Variants in LIPI observed in about 807,000 individuals in gnomAD.
The protein encoded by LIPI is lipase member I.
In LIPI, 59 loss-of-function variants were observed where a neutral mutation model predicts 50.6. That is an observed-to-expected ratio of 1.16 (90% confidence interval 0.94 to 1.45). LIPI has a LOEUF of 1.45. Among genes scored for constraint, LIPI ranks in the 40% most tolerant of loss-of-function variants. LIPI has a pLI of 0.00. For synonymous variants in LIPI, 203 were observed against 178.2 expected (o/e 1.14, Z -1.11); for missense variants, 586 against 536.3 (o/e 1.09, Z -0.92).
Position 14,210,916 on chromosome 21 carries a change from C to T in LIPI, c.-71G>A. The T allele has an allele frequency of 3.5e-6, 4 of 1,148,500 alleles. No individual in the cohort carries two copies. The highest frequency in any genetic ancestry group is 4.3e-6 in the Non-Finnish European group (4 of 924,358). 71.1% of individuals were successfully genotyped at this position (1,148,500 alleles called of 1,614,324 possible). On this transcript the variant is annotated 5_prime_UTR_variant, in exon 1 of 10. Transcript: ENST00000681601. ...GAAATTCCGTAACTCATTGAGGTTT[C>T]TCTTTGGTAGGATCATCACAGGCTG...
intron 2 of LIPI, among the ~76,000 whole-genome samples, chr21:14,188,685 A>G (rs1199181259): frequency 3.3e-5 from 5 of 152,114 alleles, no homozygotes; most frequent in African/African-American, 1.2e-4. Flanking sequence ...ATAATTATAA[A>G]GTTTATTTCC....
chr21:14,151,278 C>T (rs983218778), intron 8 of LIPI, among the ~76,000 whole-genome samples: 1 of 152,110 alleles, frequency 6.6e-6, no homozygotes, highest in Admixed American at 6.6e-5. Flanking sequence ...CTTTCACTGC[C>T]ATTGTTTGTG....
chr21:14,192,635 C>T (rs1310500887), intron 1 of LIPI, among the ~76,000 whole-genome samples: 1 of 152,032 alleles, frequency 6.6e-6, no homozygotes, highest in African/African-American at 2.4e-5. Flanking sequence ...TTACAGAAAT[C>T]CCTGATGAGA....
chr21:14,205,741 A>G (rs370336338), intron 1 of LIPI, among the ~76,000 whole-genome samples: 36 of 152,218 alleles, frequency 2.4e-4, no homozygotes, highest in South Asian at 1.9e-3. Context: ...AATAGATTTA[A>G]TAGACTTCAG....
At chr21:14,121,539 G>A (rs2016862050) in intron 9 of LIPI, among the ~76,000 whole-genome samples, 2 of 152,200 alleles carry the variant, frequency 1.3e-5, no homozygotes, top group Admixed American at 6.5e-5. Flanking sequence ...GGTAATACAA[G>A]AAGTACAAGG....
chr21:14,176,825 C>G (rs1164697925), intron 4 of LIPI, among the ~76,000 whole-genome samples: 1 of 150,600 alleles, frequency 6.6e-6, no homozygotes, highest in Non-Finnish European at 1.5e-5. Flanking sequence ...TTCTATGGTA[C>G]ATGTGCACTA....
chr21:14,150,199 A>G (rs1349094336), intron 8 of LIPI, among the ~76,000 whole-genome samples: 1 of 152,158 alleles, frequency 6.6e-6, no homozygotes. Flanking sequence ...CAAGAATAGT[A>G]TGGGGGAAAC....
chr21:14,115,433 T>A (rs547926256), intron 9 of LIPI, among the ~76,000 whole-genome samples: 152 of 104,416 alleles, frequency 1.5e-3, no homozygotes, highest in Admixed American at 4.4e-3. Flanking sequence ...GGGCTCAGAC[T>A]TTTCTGGACA....
At chr21:14,120,368 T>C (rs73155578) in intron 9 of LIPI, among the ~76,000 whole-genome samples, 20,453 of 152,226 alleles carry the variant, frequency 0.13, 1,829 homozygotes, top group South Asian at 0.21. Flanking sequence ...CGAATATCTA[T>C]ACTGACTCAA....
intron 4 of LIPI, among the ~76,000 whole-genome samples, chr21:14,176,887 C>T (rs1239223989): frequency 2.6e-5 from 4 of 151,710 alleles, no homozygotes; most frequent in Admixed American, 6.6e-5. Context: ...GTGCTGCACC[C>T]GTTAACGCCT....
At position 14,144,603 on chromosome 21, in the gene LIPI, T is replaced by C; in HGVS notation, c.1295+20A>G. ...AAGTTTAAAAGATAACATGTTGAAATCAAAATTTAATTTTCTTACCTTTCT... is the reference window on the plus strand; with the variant it reads ...AAGTTTAAAAGATAACATGTTGAAACCAAAATTTAATTTTCTTACCTTTCT... On this transcript the variant is annotated intron_variant, in intron 9 of 9. Coordinates refer to ENST00000681601, the MANE Select transcript of LIPI (RefSeq NM_001302998.2). The C allele has an allele frequency of 7.4e-7, 1 of 1,352,474 alleles. No homozygotes were observed. Among genetic ancestry groups the C allele is most frequent in the Non-Finnish European group, 1.1e-6 (1 of 950,630 alleles). The allele number at this position is 1,352,474 out of a possible 1,614,324, so 83.8% of individuals were successfully genotyped here. A position where few individuals can be genotyped will look rare whatever the true frequency, so the allele number is the denominator to read the frequency against.
chr21:14,169,913 A>G (rs1230272590), intron 4 of LIPI, among the ~76,000 whole-genome samples: 2 of 152,142 alleles, frequency 1.3e-5, no homozygotes, highest in Non-Finnish European at 2.9e-5. Context: ...CAAAAAATTA[A>G]TGAATCCAGG....
intron 9 of LIPI, among the ~76,000 whole-genome samples, chr21:14,114,537 C>T (rs990707431): frequency 4.6e-5 from 7 of 152,318 alleles, no homozygotes; most frequent in African/African-American, 7.2e-5. Context: ...AAGGCTTAGG[C>T]AGGAAGCCAC....
intron 7 of LIPI, among the ~76,000 whole-genome samples, chr21:14,155,550 G>A (rs2018243871): frequency 6.6e-6 from 1 of 151,862 alleles, no homozygotes; most frequent in Non-Finnish European, 1.5e-5. Context: ...TAAAAACAAA[G>A]AAATAAAAGT....
intron 8 of LIPI, among the ~76,000 whole-genome samples, chr21:14,145,298 A>T (rs543417006): frequency 6.6e-6 from 1 of 152,288 alleles, no homozygotes; most frequent in African/African-American, 2.4e-5. Flanking sequence ...TACATGCTTA[A>T]CCTCATTTAA....
intron 4 of LIPI, among the ~76,000 whole-genome samples, chr21:14,180,473 T>G (rs1358350895): frequency 6.6e-6 from 1 of 152,184 alleles, no homozygotes; most frequent in African/African-American, 2.4e-5. Context: ...CTGTCTCTCT[T>G]TATTTCTCAG....
intron 1 of LIPI, among the ~76,000 whole-genome samples, chr21:14,208,730 G>C (rs402025): frequency 0.21 from 32,363 of 152,132 alleles, 3,671 homozygotes; most frequent in Non-Finnish European, 0.23. Context: ...CCCACAAAAC[G>C]TAAAATATTT....
At chr21:14,136,129 T>G (rs2017490960) in intron 9 of LIPI, among the ~76,000 whole-genome samples, 1 of 152,134 alleles carries the variant, frequency 6.6e-6, no homozygotes, top group Non-Finnish European at 1.5e-5. Context: ...CATCACCTGC[T>G]AACTGAAGAG....
intron 9 of LIPI, among the ~76,000 whole-genome samples, chr21:14,138,089 G>T (rs1425709073): frequency 6.6e-6 from 1 of 152,028 alleles, no homozygotes; most frequent in Non-Finnish European, 1.5e-5. Context: ...ATACCAGACC[G>T]TATTGATTAC....
Sources: allele counts gnomAD v4.1 joint callset (sites outside exome capture counted in the v4.1 genomes callset), GRCh38; gene constraint gnomAD v4.1.1; transcripts MANE v1.5; gene names NCBI Gene and HGNC (gene_info 2026-07-23, HGNC 2026-07-21).